Variants in PCDHGB6 observed in about 807,000 individuals in gnomAD.
PCDHGB6 encodes protocadherin gamma-B6.
In PCDHGB6, 51 loss-of-function variants were observed where a neutral mutation model predicts 59.1. That is an observed-to-expected ratio of 0.86 (90% confidence interval 0.69 to 1.09). PCDHGB6 has a LOEUF of 1.09. PCDHGB6 is among the 50% of genes least tolerant of loss of function. The probability of loss-of-function intolerance (pLI) is 0.00; values close to 1 mark genes in which losing one functional copy is unlikely to be tolerated. For synonymous variants in PCDHGB6, 466 were observed against 495.1 expected (o/e 0.94, Z 0.78); for missense variants, 1,148 against 1,205.1 (o/e 0.95, Z 0.70).
chr5:141,502,667 T>G (rs2099815574), intron 2 of PCDHGB6, among the ~76,000 whole-genome samples: 1 of 152,236 alleles, frequency 6.6e-6, no homozygotes. Context: ...TTCATGCAAT[T>G]TTAGTATTCC....
At chr5:141,458,289 T>G (rs2154566205) in intron 1 of PCDHGB6, among the ~76,000 whole-genome samples, 1 of 152,280 alleles carries the variant, frequency 6.6e-6, no homozygotes, top group African/African-American at 2.4e-5. Flanking sequence ...CTGGTCCTCA[T>G]GCTGGTTTAG....
chr5:141,427,111 C>G (rs1324091636), intron 1 of PCDHGB6: 7 of 457,560 alleles, frequency 1.5e-5, no homozygotes, highest in South Asian at 1.1e-4. Context: ...GCGGAGATCA[C>G]CTACTCTTTC....
At position 141,487,543 on chromosome 5, in the gene PCDHGB6, A is replaced by G. The variant is rs2099649285; in HGVS notation, c.2419-7264A>G. On this transcript the variant is annotated intron_variant, in intron 1 of 3. Coordinates refer to ENST00000520790, the MANE Select transcript of PCDHGB6 (RefSeq NM_018926.3). This position sits in a 1 kb window ranked among gnomAD's most constrained non-coding sequence, Gnocchi z 5.0. ...GTGATAGCTTCATGATGGTGAAGTC[A>G]CCCAGTGCACCTATGGCAGGGGAGC... is the stretch of plus-strand genomic sequence containing the variant. The G allele has an allele frequency of 3.7e-6, 6 of 1,614,114 alleles. No homozygotes were observed. In the South Asian group the frequency reaches 5.5e-5, roughly 15 times the overall value.
intron 1 of PCDHGB6, among the ~76,000 whole-genome samples, chr5:141,447,640 G>A (rs184184100): frequency 6.6e-6 from 1 of 152,198 alleles, no homozygotes; most frequent in Admixed American, 6.5e-5. Flanking sequence ...TATGAATGAT[G>A]GTAGAATTTT....
rs575872277 is a variant in PCDHGB6, at chr5:141,511,848, G to A, written c.*675G>A. The A allele has an allele frequency of 6.4e-6, 1 of 156,684 alleles. No individual in the cohort carries two copies. The highest frequency in any genetic ancestry group is 2.0e-4 in the South Asian group (1 of 5,078). The allele number at this position is 156,684 out of a possible 1,614,324, so 9.7% of individuals were successfully genotyped here. A position where few individuals can be genotyped will look rare whatever the true frequency, so the allele number is the denominator to read the frequency against. ...GCCCTGGGGACCAGTCTTCTGTTTT[G>A]TTTTTCATTGTTTGACGTTTCCACT... On this transcript the variant is annotated 3_prime_UTR_variant, in exon 4 of 4. Transcript: ENST00000520790.
chr5:141,465,881 G>T (rs1000308014), intron 1 of PCDHGB6, among the ~76,000 whole-genome samples: 1 of 151,960 alleles, frequency 6.6e-6, no homozygotes, highest in African/African-American at 2.4e-5. Flanking sequence ...CCAGCACTTT[G>T]GGAGGCCGAG....
chr5:141,435,973 G>T (rs1420195337), intron 1 of PCDHGB6, among the ~76,000 whole-genome samples: 1 of 152,028 alleles, frequency 6.6e-6, no homozygotes, highest in East Asian at 1.9e-4. Context: ...AGAGTGTGTG[G>T]TTCTACTTGT....
intron 1 of PCDHGB6, chr5:141,413,448 G>A (rs781717265): frequency 3.1e-6 from 5 of 1,614,122 alleles, no homozygotes; most frequent in Non-Finnish European, 4.2e-6. Context: ...TGATCACCGC[G>A]GGCAGGATAG....
In PCDHGB6 at chr5:141,408,104, C is replaced by A. The variant is rs546603908; in HGVS notation, c.-99C>A. On this transcript the variant is annotated 5_prime_UTR_variant, in exon 1 of 4. Coordinates refer to ENST00000520790, the MANE Select transcript of PCDHGB6 (RefSeq NM_018926.3). ...ACAGCGGATTGCCAGCTCCGAGACC[C>A]GGGACTCCTCCTGTCCTGGGCCGAA... The A allele has an allele frequency of 3.5e-6, 5 of 1,441,798 alleles. No homozygotes were observed. Among genetic ancestry groups the A allele is most frequent in the Non-Finnish European group, 2.7e-6 (3 of 1,093,720 alleles). The allele number at this position is 1,441,798 out of a possible 1,614,324, so 89.3% of individuals were successfully genotyped here.
intron 1 of PCDHGB6, chr5:141,484,931 A>G (rs940135310): frequency 1.4e-5 from 7 of 497,998 alleles, no homozygotes; most frequent in Non-Finnish European, 2.5e-5. Flanking sequence ...TGCTGTTGGG[A>G]CGTTCTCTGC....
chr5:141,442,227 T>G (rs953690152), intron 1 of PCDHGB6: 16 of 153,240 alleles, frequency 1.0e-4, no homozygotes, highest in African/African-American at 3.6e-4. Context: ...TTAATTTCCT[T>G]TTTATTCTTC....
At chr5:141,413,220 C>A in intron 1 of PCDHGB6, 1 of 1,613,330 alleles carries the variant, frequency 6.2e-7, no homozygotes, top group South Asian at 1.1e-5. Flanking sequence ...AGGATTGCAG[C>A]GGGCTGGTCC....
intron 1 of PCDHGB6, among the ~76,000 whole-genome samples, chr5:141,453,047 G>A (rs930795400): frequency 1.3e-5 from 2 of 152,172 alleles, no homozygotes; most frequent in African/African-American, 4.8e-5. Context: ...TTTCTATTAT[G>A]TGCAGTTTTA....
At chr5:141,452,084 C>CGG (rs1561946918) in intron 1 of PCDHGB6, among the ~76,000 whole-genome samples, 1 of 152,170 alleles carries the variant, frequency 6.6e-6, no homozygotes, top group Non-Finnish European at 1.5e-5. Context: ...TGGCATTATA[C>CGG]AGTAAGAAAG....
intron 1 of PCDHGB6, chr5:141,478,540 C>T (rs1221128622): frequency 6.2e-7 from 1 of 1,606,412 alleles, no homozygotes; most frequent in East Asian, 2.2e-5. Context: ...GCGCCCCTCC[C>T]GGACAGGTAA....
intron 1 of PCDHGB6, among the ~76,000 whole-genome samples, chr5:141,488,238 C>G (rs374846692): frequency 6.6e-6 from 1 of 152,154 alleles, no homozygotes; most frequent in African/African-American, 2.4e-5. Context: ...GAACTAGATG[C>G]GGTAAATTGG....
At chr5:141,450,006 C>CTT (rs1554136305) in intron 1 of PCDHGB6, among the ~76,000 whole-genome samples, 6 of 132,984 alleles carry the variant, frequency 4.5e-5, no homozygotes, top group East Asian at 2.2e-4. Flanking sequence ...TGCCATGTCT[C>CTT]TTTTTTTTTT....
chr5:141,473,776 T>C (rs1026169931), intron 1 of PCDHGB6, among the ~76,000 whole-genome samples: 1 of 152,214 alleles, frequency 6.6e-6, no homozygotes, highest in Non-Finnish European at 1.5e-5. Context: ...TTTGGTATTT[T>C]AATTCAAGAG....
Position 141,432,211 on chromosome 5 carries a change from C to T in PCDHGB6, c.2418+21591C>T. 6.2e-7 allele frequency: 1 copy of T among 1,614,232 alleles called. No homozygotes were observed. The highest frequency in any genetic ancestry group is 8.5e-7 in the Non-Finnish European group (1 of 1,180,044). On this transcript the variant is annotated intron_variant, in intron 1 of 3. Coordinates refer to ENST00000520790, the MANE Select transcript of PCDHGB6 (RefSeq NM_018926.3). The surrounding 1 kb of genome is among the most constrained non-coding windows in gnomAD (Gnocchi z 6.0). ...CCCACGACCCCGACTGTGAAGAGAA[C>T]GCCCAGATCACTTATTCCCTGGCTG... is the stretch of plus-strand genomic sequence containing the variant.
Sources: allele counts gnomAD v4.1 joint callset (sites outside exome capture counted in the v4.1 genomes callset), GRCh38; gene constraint gnomAD v4.1.1; non-coding constraint Gnocchi (gnomAD v3.1); transcripts MANE v1.5; gene names NCBI Gene and HGNC (gene_info 2026-07-23, HGNC 2026-07-21).